CCDC73: variants seen among roughly 807,000 people sequenced by gnomAD.
The protein encoded by CCDC73 is coiled-coil domain containing 73.
A neutral mutation model predicts 116.5 loss-of-function variants in CCDC73; 95 were observed. The observed-to-expected ratio is 0.82, with a 90% CI of 0.69 to 0.97. CCDC73 has a LOEUF of 0.97. CCDC73 is among the 50% of genes least tolerant of loss of function. CCDC73 has a pLI of 0.00. For synonymous variants in CCDC73, 398 were observed against 401.3 expected, an observed-to-expected ratio of 0.99 and a Z score of 0.10; for missense variants, 1,066 against 1,206.8, an observed-to-expected ratio of 0.88 and a Z score of 1.73.
chr11:32,752,595 A>C (rs182545413), intron 2 of CCDC73, among the ~76,000 whole-genome samples: 1 of 152,332 alleles, frequency 6.6e-6, no homozygotes, highest in African/African-American at 2.4e-5. Context: ...GTATGTTTCC[A>C]ATCTGGGAAT....
chr11:32,698,173 C>T (rs867544382), intron 6 of CCDC73, among the ~76,000 whole-genome samples: 18 of 151,804 alleles, frequency 1.2e-4, no homozygotes, highest in South Asian at 8.3e-4. Context: ...TACAGGCGCC[C>T]GCCACCACGC....
chr11:32,761,662 C>A (rs1342272232), intron 1 of CCDC73, among the ~76,000 whole-genome samples: 1 of 152,108 alleles, frequency 6.6e-6, no homozygotes, highest in Non-Finnish European at 1.5e-5. Flanking sequence ...AATAAGCATT[C>A]TCCAGAGAAA....
chr11:32,655,031 A>C (rs1413884814), intron 9 of CCDC73, 59 bp from the exon 10 acceptor site: 1 of 1,434,672 alleles, frequency 7.0e-7, no homozygotes, highest in African/African-American at 1.4e-5. Flanking sequence ...AAAACAAGGT[A>C]CTTTCCTGAC....
chr11:32,760,453 T>A (rs1380479454), intron 1 of CCDC73, among the ~76,000 whole-genome samples, 195 bp from the exon 2 acceptor site: 1 of 152,216 alleles, frequency 6.6e-6, no homozygotes, highest in Non-Finnish European at 1.5e-5. Context: ...TGTTTCCCTA[T>A]GGTTGAAGCT....
the CCDC73 span, among the ~76,000 whole-genome samples, chr11:32,812,814 G>A: frequency 6.6e-6 from 1 of 152,124 alleles, no homozygotes; most frequent in Non-Finnish European, 1.5e-5. Context: ...TCCAGCCTGG[G>A]CAACAGAGAG....
chr11:32,603,091 TGCAG>T, intron 17 of CCDC73, 71 bp from the exon 18 acceptor site: 4 of 1,267,530 alleles, frequency 3.2e-6, no homozygotes, highest in Non-Finnish European at 3.3e-6. Context: ...GTAAAGCCTC[TGCAG>T]TTATGAGTAT....
intron 1 of CCDC73, among the ~76,000 whole-genome samples, chr11:32,760,716 G>C (rs998418127): frequency 6.6e-6 from 1 of 152,196 alleles, no homozygotes; most frequent in Admixed American, 6.5e-5. Context: ...AACCAAGATA[G>C]TTAAATATTT....
chr11:32,663,520 C>T (rs1444348914), intron 9 of CCDC73, among the ~76,000 whole-genome samples: 1 of 152,156 alleles, frequency 6.6e-6, no homozygotes, highest in Admixed American at 6.5e-5. Context: ...ATTTTTTGCA[C>T]ATTGATTTTG....
intron 14 of CCDC73, among the ~76,000 whole-genome samples, chr11:32,622,728 T>TG (rs201335183): frequency 0.077 from 3,786 of 49,396 alleles, 63 homozygotes; most frequent in Non-Finnish European, 0.098. Context: ...TTGGGCGGGG[T>TG]GGGGGGGAAT....
intron 1 of CCDC73, among the ~76,000 whole-genome samples, chr11:32,790,140 A>G (rs1404152144): frequency 1.3e-5 from 2 of 152,188 alleles, no homozygotes; most frequent in East Asian, 1.9e-4. Flanking sequence ...GAAGCAGGCA[A>G]GTCTTAGGGG....
upstream of CCDC73, among the ~76,000 whole-genome samples, chr11:32,796,013 C>T (rs769845833): frequency 2.4e-4 from 36 of 152,172 alleles, no homozygotes; most frequent in Non-Finnish European, 3.8e-4. Context: ...TTTTTAACCA[C>T]GTTTTCCAGT....
intron 14 of CCDC73, among the ~76,000 whole-genome samples, chr11:32,622,527 G>A (rs559520029): frequency 2.0e-5 from 3 of 152,004 alleles, no homozygotes; most frequent in Admixed American, 6.6e-5. Context: ...GGCAGCAAGG[G>A]GAGGGAGAGC....
At chr11:32,772,025 C>A (rs1357905971) in intron 1 of CCDC73, among the ~76,000 whole-genome samples, 1 of 152,226 alleles carries the variant, frequency 6.6e-6, no homozygotes, top group Non-Finnish European at 1.5e-5. Flanking sequence ...CTAACCCCCA[C>A]AACAATCTAC....
At chr11:32,826,661 A>AAC in the CCDC73 span, among the ~76,000 whole-genome samples, 2 of 83,630 alleles carry the variant, frequency 2.4e-5, no homozygotes, top group Non-Finnish European at 4.9e-5. Flanking sequence ...AAAAAAAAAC[A>AAC]AAAAAAAAAA....
chr11:32,728,476 T>C (rs994636879), intron 2 of CCDC73, among the ~76,000 whole-genome samples: 2 of 152,088 alleles, frequency 1.3e-5, no homozygotes, highest in East Asian at 1.9e-4. Flanking sequence ...AGCCCTGAAA[T>C]AGGTCATGTC....
chr11:32,664,462 T>G (rs929846194), intron 9 of CCDC73, among the ~76,000 whole-genome samples: 1 of 152,244 alleles, frequency 6.6e-6, no homozygotes, highest in African/African-American at 2.4e-5. Context: ...TCTAGTTTAT[T>G]TGCGTAGAGG....
At chr11:32,825,548 T>A in the CCDC73 span, among the ~76,000 whole-genome samples, 5 of 152,104 alleles carry the variant, frequency 3.3e-5, no homozygotes, top group Non-Finnish European at 7.4e-5. Context: ...GTGATCCACC[T>A]GCCTCAGCCT....
rs1306362040 is a variant in CCDC73 at position 32,661,926 on chromosome 11, A to C, written c.646-6954T>G. On this transcript the variant is annotated intron_variant, in intron 9 of 17. Coordinates refer to ENST00000335185, the MANE Select transcript of CCDC73 (RefSeq NM_001008391.4). ...TTCAATTCCCACCTATGAGTGAGAA[A>C]ATGCAGTGTTTGGTTTTTTGTCCTT... is the stretch of plus-strand genomic sequence containing the variant. 5.3e-5 allele frequency among the ~76,000 whole-genome samples: 8 copies of C among 151,590 alleles called. No homozygotes were observed. The South Asian group carries it at 6.3e-4, about 12-fold the overall frequency.
chr11:32,762,257 T>A (rs916258374), intron 1 of CCDC73, among the ~76,000 whole-genome samples: 2 of 152,160 alleles, frequency 1.3e-5, no homozygotes, highest in Non-Finnish European at 2.9e-5. Flanking sequence ...TAAAACATTT[T>A]AAAATCTTCT....
Sources: allele counts gnomAD v4.1 joint callset (sites outside exome capture counted in the v4.1 genomes callset), GRCh38; gene constraint gnomAD v4.1.1; transcripts MANE v1.5; gene names NCBI Gene and HGNC (gene_info 2026-07-23, HGNC 2026-07-21).